Variants in GRM8 observed in about 807,000 individuals in gnomAD.
The protein encoded by GRM8 is metabotropic glutamate receptor 8.
Under a neutral mutation model 87.2 loss-of-function variants are expected in GRM8, and 47 were observed. The ratio of observed to expected loss-of-function variants is 0.54; its 90% confidence interval spans 0.43 to 0.69. The LOEUF is 0.69. Ranked by LOEUF, GRM8 falls within the 30% of genes least tolerant of loss-of-function variation. The pLI is 0.00. For synonymous variants in GRM8, 396 were observed against 404.5 expected (o/e 0.98, Z 0.25); for missense variants, 1,019 against 1,139.2 (o/e 0.89, Z 1.52).
chr7:126,800,002 A>G (rs533306395), intron 6 of GRM8, among the ~76,000 whole-genome samples: 1 of 152,262 alleles, frequency 6.6e-6, no homozygotes, highest in South Asian at 2.1e-4. Flanking sequence ...CCTTTTCAGA[A>G]GATAGTTAGA....
chr7:126,660,866 T>C (rs751586850), intron 7 of GRM8, among the ~76,000 whole-genome samples: 2 of 152,094 alleles, frequency 1.3e-5, no homozygotes, highest in African/African-American at 2.4e-5. Context: ...GCCCAAATTA[T>C]ATTTCACACC....
Position 126,532,975 on chromosome 7 carries a change from C to G in GRM8, c.2407G>C (p.Gly803Arg). ...ACCTTTTCTGCTGACTGGGCTGTAC[C>G]AAAAAAGATGGGGATGAAAGCTAAC... Reference protein sequence around the residue: ...IWLAFIPIFFGTAQSAEKMYI... With the variant: ...IWLAFIPIFFRTAQSAEKMYI... The change falls in exon 9 of 11, where the codon GGT (glycine) becomes CGT (arginine). Residue 803 changes from glycine to arginine, a missense_variant. Transcript: ENST00000339582. 3 of 1,611,466 alleles carry G rather than the reference C, an allele frequency of 1.9e-6. No homozygotes were observed. Among genetic ancestry groups the G allele is most frequent in the Non-Finnish European group, 2.5e-6 (3 of 1,178,656 alleles).
chr7:126,852,990 A>T (rs1177106661), intron 6 of GRM8, among the ~76,000 whole-genome samples: 1 of 152,214 alleles, frequency 6.6e-6, no homozygotes, highest in Non-Finnish European at 1.5e-5. Context: ...AGTAAACAGT[A>T]ACTTTGCTAG....
intron 6 of GRM8, among the ~76,000 whole-genome samples, chr7:126,896,208 T>C (rs1343454161): frequency 2.6e-5 from 4 of 151,072 alleles, no homozygotes; most frequent in African/African-American, 9.7e-5. Context: ...TCAATGCCTG[T>C]TTTGTCATCT....
At chr7:126,746,186 T>C (rs79979552) in intron 7 of GRM8, among the ~76,000 whole-genome samples, 253 of 151,926 alleles carry the variant, frequency 1.7e-3, no homozygotes, top group African/African-American at 5.7e-3. Flanking sequence ...TCACATTTCC[T>C]GTGAATTAGA....
At chr7:127,072,430 C>A (rs1286619029) in intron 3 of GRM8, among the ~76,000 whole-genome samples, 1 of 152,120 alleles carries the variant, frequency 6.6e-6, no homozygotes, top group African/African-American at 2.4e-5. Context: ...TTCAGCCTGG[C>A]CTTTAAGGTT....
At chr7:127,058,276 T>C (rs1820217503) in intron 3 of GRM8, 1 of 380,606 alleles carries the variant, frequency 2.6e-6, no homozygotes, top group African/African-American at 2.2e-5. Context: ...GTCAACACAC[T>C]CCTGGTTGGT....
At chr7:126,543,562 AG>A (rs1408559291) in intron 8 of GRM8, among the ~76,000 whole-genome samples, 5 of 152,176 alleles carry the variant, frequency 3.3e-5, no homozygotes, top group African/African-American at 1.2e-4. Context: ...CCATGTGAAT[AG>A]GTAGTGGTAT....
chr7:126,904,845 T>C (rs1802517630), intron 3 of GRM8, among the ~76,000 whole-genome samples, 162 bp from the exon 4 acceptor site: 1 of 152,264 alleles, frequency 6.6e-6, no homozygotes, highest in African/African-American at 2.4e-5. Flanking sequence ...TGCATTATAA[T>C]ATATTCACCA....
At chr7:126,599,485 TC>T (rs1797531204) in intron 8 of GRM8, among the ~76,000 whole-genome samples, 1 of 152,136 alleles carries the variant, frequency 6.6e-6, no homozygotes, top group South Asian at 2.1e-4. Flanking sequence ...ATTTAGTAAG[TC>T]CCATATTATA....
chr7:126,637,725 G>A (rs1802001370), intron 7 of GRM8, among the ~76,000 whole-genome samples: 1 of 152,090 alleles, frequency 6.6e-6, no homozygotes, highest in African/African-American at 2.4e-5. Context: ...GAAGTCCCTT[G>A]AAGTCTCTCA....
chr7:127,072,634 C>CTTTTTT (rs34143758), intron 3 of GRM8, among the ~76,000 whole-genome samples: 1 of 144,142 alleles, frequency 6.9e-6, no homozygotes, highest in Admixed American at 6.9e-5. Flanking sequence ...TCATATTATA[C>CTTTTTT]TTTTTTTTTT....
At chr7:126,490,491 T>A (rs187596046) in intron 9 of GRM8, among the ~76,000 whole-genome samples, 1 of 152,196 alleles carries the variant, frequency 6.6e-6, no homozygotes, top group Non-Finnish European at 1.5e-5. Flanking sequence ...ATGTGTCATT[T>A]CTTTTAAAAT....
In GRM8 at chr7:127,180,204, T is replaced by G. The variant is rs562373664; in HGVS notation, c.510+62491A>C. On this transcript the variant is annotated intron_variant, in intron 2 of 10. Transcript: ENST00000339582. ...ACACCACTGAAATACAAAAGATCAT[T>G]CAAGGCTACTATGACGCATTTACGC... is the stretch of plus-strand genomic sequence containing the variant. Among the ~76,000 whole-genome samples the G allele has an allele frequency of 3.3e-5, 5 of 152,054 alleles. No homozygotes were observed. In the South Asian group the frequency reaches 1.0e-3, roughly 32 times the overall value.
intron 2 of GRM8, among the ~76,000 whole-genome samples, chr7:127,205,556 C>A (rs559977059): frequency 1.3e-5 from 2 of 152,258 alleles, no homozygotes; most frequent in South Asian, 4.1e-4. Flanking sequence ...TACAGGGCTA[C>A]CACCAGGTCA....
intron 6 of GRM8, among the ~76,000 whole-genome samples, chr7:126,791,046 C>CA (rs1003702354): frequency 6.6e-6 from 1 of 152,056 alleles, no homozygotes; most frequent in African/African-American, 2.4e-5. Context: ...GGAGTCTAAG[C>CA]ATCTGTTGGA....
At chr7:127,188,080 A>G (rs1453982689) in intron 2 of GRM8, among the ~76,000 whole-genome samples, 1 of 152,220 alleles carries the variant, frequency 6.6e-6, no homozygotes, top group Non-Finnish European at 1.5e-5. Context: ...AATAAAATTA[A>G]AAATTCCTTT....
Position 126,609,495 on chromosome 7 carries a change from C to A in GRM8, c.1361G>T (p.Ser454Ile). 6.2e-7 allele frequency: 1 copy of A among 1,610,370 alleles called. No individual in the cohort carries two copies. The highest frequency in any genetic ancestry group is 8.5e-7 in the Non-Finnish European group (1 of 1,177,354). Residue 454 changes from serine (S) to isoleucine (I), a missense_variant, in exon 8 of 11, where the codon AGT (serine) becomes ATT (isoleucine). By Grantham distance (142) the Ser-to-Ile change is moderately radical (BLOSUM62 -2). Coordinates refer to ENST00000339582, the MANE Select transcript of GRM8 (RefSeq NM_000845.3). Reference protein sequence around the residue: ...GYIRAVNFNGSAGTPVTFNEN... With the variant: ...GYIRAVNFNGIAGTPVTFNEN... ...ATTAAAAGTGACAGGAGTGCCAGCACTGCCTATAAAGATTTAGAAAACAAT... is the reference window on the plus strand; with the variant it reads ...ATTAAAAGTGACAGGAGTGCCAGCAATGCCTATAAAGATTTAGAAAACAAT...
At chr7:126,581,564 A>G (rs1230447950) in intron 8 of GRM8, among the ~76,000 whole-genome samples, 1 of 152,080 alleles carries the variant, frequency 6.6e-6, no homozygotes, top group Non-Finnish European at 1.5e-5. Flanking sequence ...TCTACCTTCA[A>G]ACATAAAACT....
Sources: gnomAD v4.1 joint callset for allele counts (sites outside exome capture counted in the v4.1 genomes callset) on GRCh38, gnomAD v4.1.1 for gene constraint, MANE v1.5 for transcripts, NCBI Gene and HGNC (gene_info 2026-07-23, HGNC 2026-07-21) for gene names.